Variants in GRIP1 observed in about 807,000 individuals in gnomAD.
GRIP1 encodes glutamate receptor-interacting protein 1.
A neutral mutation model predicts 129.9 loss-of-function variants in GRIP1; 45 were observed. That is an observed-to-expected ratio of 0.35 (90% confidence interval 0.27 to 0.44). The LOEUF (loss-of-function observed/expected upper bound fraction) is 0.44, where lower values mean the gene tolerates loss of function less well. GRIP1 is among the 20% of genes least tolerant of loss of function. The pLI is 1.00. For missense variants in GRIP1, 1,196 were observed against 1,396.8 expected, an observed-to-expected ratio of 0.86 and a Z score of 2.29; for synonymous variants, 530 against 520.8, an observed-to-expected ratio of 1.02 and a Z score of -0.24.
chr12:66,418,469 A>G (rs1480220924), intron 15 of GRIP1, among the ~76,000 whole-genome samples: 3 of 152,178 alleles, frequency 2.0e-5, no homozygotes, highest in African/African-American at 7.2e-5. Flanking sequence ...TCTTTTTCAT[A>G]GCAAAGAAAA....
intron 1 of GRIP1, among the ~76,000 whole-genome samples, chr12:67,032,854 TAAC>T (rs1303398878): frequency 6.6e-6 from 1 of 152,204 alleles, no homozygotes; most frequent in African/African-American, 2.4e-5. Context: ...ATTAAAAAGA[TAAC>T]AAGAAGCAGA....
At chr12:66,576,842 A>G (rs1229253573) in intron 2 of GRIP1, among the ~76,000 whole-genome samples, 2 of 152,252 alleles carry the variant, frequency 1.3e-5, no homozygotes, top group Non-Finnish European at 2.9e-5. Context: ...CAAGGGTGGA[A>G]ACCTAGCTCT....
chr12:66,363,223 A>ATATATATATATATATATATG (rs2054910212), intron 23 of GRIP1, among the ~76,000 whole-genome samples: 1 of 134,830 alleles, frequency 7.4e-6, no homozygotes, highest in Admixed American at 7.6e-5. Context: ...ATATATATAT[A>ATATATATATATATATATATG]TATATAAAGT....
At chr12:66,830,339 G>A (rs1285611352) in intron 1 of GRIP1, among the ~76,000 whole-genome samples, 2 of 152,144 alleles carry the variant, frequency 1.3e-5, no homozygotes. Context: ...TGGGCCCAAG[G>A]TAATCACAAA....
intron 1 of GRIP1, among the ~76,000 whole-genome samples, chr12:67,005,612 C>G (rs2042614720): frequency 6.6e-6 from 1 of 152,110 alleles, no homozygotes; most frequent in Admixed American, 6.6e-5. Context: ...GCCTGTGGAA[C>G]ACCAACCATG....
chr12:66,505,359 G>C (rs1204063393), intron 7 of GRIP1, among the ~76,000 whole-genome samples: 1 of 152,200 alleles, frequency 6.6e-6, no homozygotes, highest in Admixed American at 6.5e-5. Flanking sequence ...AGGAAATGAG[G>C]ACCTTGGACT....
At chr12:66,920,971 G>A (rs1012010932) in intron 1 of GRIP1, among the ~76,000 whole-genome samples, 1 of 152,200 alleles carries the variant, frequency 6.6e-6, no homozygotes, top group Admixed American at 6.5e-5. Flanking sequence ...TCTCTTTCAT[G>A]TGCCATGGCA....
At chr12:67,017,424 G>A (rs79141897) in intron 1 of GRIP1, among the ~76,000 whole-genome samples, 2,147 of 152,068 alleles carry the variant, frequency 0.014, 68 homozygotes, top group East Asian at 0.092. Flanking sequence ...TTAATGGGTG[G>A]AGAATTAGGA....
At chr12:67,050,398 C>G (rs879174697) in intron 1 of GRIP1, among the ~76,000 whole-genome samples, 1 of 152,068 alleles carries the variant, frequency 6.6e-6, no homozygotes, top group Admixed American at 6.6e-5. Flanking sequence ...TCATTTTACA[C>G]TGTAATTCAT....
intron 1 of GRIP1, among the ~76,000 whole-genome samples, chr12:66,616,119 C>A (rs1314607263): frequency 1.3e-5 from 2 of 152,102 alleles, no homozygotes; most frequent in Non-Finnish European, 2.9e-5. Flanking sequence ...ATCTGTATAG[C>A]TGTGTCTTAT....
chr12:66,500,038 A>G (rs2060347748), intron 7 of GRIP1, among the ~76,000 whole-genome samples: 2 of 152,162 alleles, frequency 1.3e-5, no homozygotes, highest in Admixed American at 1.3e-4. Context: ...AAACAGGAAC[A>G]ATTTTGAAAG....
chr12:66,702,535 C>T (rs962155069), intron 1 of GRIP1, among the ~76,000 whole-genome samples: 12 of 151,888 alleles, frequency 7.9e-5, no homozygotes, highest in African/African-American at 2.9e-4. Flanking sequence ...TTTTACAAGC[C>T]CAAAGAAAAT....
At chr12:67,050,495 C>T (rs1286481960) in intron 1 of GRIP1, among the ~76,000 whole-genome samples, 1 of 152,022 alleles carries the variant, frequency 6.6e-6, no homozygotes, top group Non-Finnish European at 1.5e-5. Flanking sequence ...CAATAAATGC[C>T]GAATTTGCTC....
intron 1 of GRIP1, among the ~76,000 whole-genome samples, chr12:66,886,526 G>A (rs987167947): frequency 6.6e-6 from 1 of 151,982 alleles, no homozygotes; most frequent in Non-Finnish European, 1.5e-5. Flanking sequence ...ATCTAACTGA[G>A]CCGTTTCCCT....
intron 1 of GRIP1, among the ~76,000 whole-genome samples, chr12:66,649,492 G>A (rs2032629482): frequency 6.6e-6 from 1 of 152,190 alleles, no homozygotes; most frequent in South Asian, 2.1e-4. Context: ...CAATGTGCAA[G>A]GAACCATGCT....
At chr12:66,565,526 G>A (rs1258818803) in intron 2 of GRIP1, among the ~76,000 whole-genome samples, 1 of 152,124 alleles carries the variant, frequency 6.6e-6, no homozygotes, top group Non-Finnish European at 1.5e-5. Flanking sequence ...GGTTACTGTA[G>A]CCTTGTAGTA....
At chr12:67,021,613 TCAAA>T (rs1053216339) in intron 1 of GRIP1, among the ~76,000 whole-genome samples, 4 of 152,322 alleles carry the variant, frequency 2.6e-5, no homozygotes, top group East Asian at 3.9e-4. Flanking sequence ...ACCCATCATC[TCAAA>T]CACTTATCAT....
At chr12:66,729,749 A>G (rs1326951832) in intron 1 of GRIP1, among the ~76,000 whole-genome samples, 1 of 151,656 alleles carries the variant, frequency 6.6e-6, no homozygotes, top group African/African-American at 2.4e-5. Flanking sequence ...AATTTTTTGT[A>G]TTTTTTAGTA....
In GRIP1 at chr12:67,006,601, T is replaced by C. The variant is rs941229943; in HGVS notation, c.58+62449A>G. Among the ~76,000 whole-genome samples the C allele has an allele frequency of 2.6e-5, 4 of 152,118 alleles. 1 individual carries two copies. In the South Asian group the frequency reaches 8.3e-4, roughly 32 times the overall value. ...GATCTTGTCTCAAAAAAATAAAAAATAAACATTTTAAAAGTCACATTGACA... is the reference window on the plus strand; with the variant it reads ...GATCTTGTCTCAAAAAAATAAAAAACAAACATTTTAAAAGTCACATTGACA... On this transcript the variant is annotated intron_variant, in intron 1 of 1. Transcript: ENST00000643019.
Sources: gnomAD v4.1 joint callset for allele counts (sites outside exome capture counted in the v4.1 genomes callset) on GRCh38, gnomAD v4.1.1 for gene constraint, MANE v1.5 for transcripts, NCBI Gene and HGNC (gene_info 2026-07-23, HGNC 2026-07-21) for gene names.